CLPS: variants seen among roughly 807,000 people sequenced by gnomAD.
CLPS encodes colipase, also known as colipase, pancreatic.
In CLPS, 8 loss-of-function variants were observed where a neutral mutation model predicts 9.3. The observed-to-expected ratio is 0.86, with a 90% CI of 0.51 to 1.56. The LOEUF is 1.56. CLPS is among the 40% of genes most tolerant of loss of function. The pLI, the probability that CLPS is intolerant of heterozygous loss-of-function variation, is 0.00. For missense variants in CLPS, 144 were observed against 145.7 expected (o/e 0.99, Z 0.06); for synonymous variants, 61 against 56.2 (o/e 1.09, Z -0.39).
chr6:35,795,277 T>C lies in CLPS; in HGVS notation c.208A>G (p.Thr70Ala), dbSNP rs1178438731. 6.2e-7 allele frequency: 1 copy of C among 1,613,652 alleles called. No homozygotes were observed. The highest frequency in any genetic ancestry group is 1.3e-5 in the African/African-American group (1 of 74,936). ...CACTTGTAGTAAATCCCATAGAGCG[T>C]CTGCAGAGACACAGCCAATGGAGTC... ...ASENSECSVK[T>A]LYGIYYKCPC... Residue 70 changes from threonine to alanine, a missense_variant and splice_region_variant, in exon 3 of 3, where the codon ACG becomes GCG. Thr to Ala is a moderately conservative substitution (Grantham distance 58, BLOSUM62 0). Coordinates refer to ENST00000259938, the MANE Select transcript of CLPS (RefSeq NM_001832.4).
rs542339898 is a variant in CLPS, at chr6:35,795,039, G to A, written c.*107C>T. 19 of 1,462,610 alleles carry A rather than the reference G, an allele frequency of 1.3e-5. No individual in the cohort carries two copies. Among genetic ancestry groups the A allele is most frequent in the Admixed American group, 8.3e-5 (4 of 48,034 alleles). The allele number at this position is 1,462,610 out of a possible 1,614,324, so 90.6% of individuals were successfully genotyped here. The stretch of plus-strand genomic sequence containing the variant: ...GCGCAATCAGAAAACAGATATGCTG[G>A]TCAAGGAGGTGGCCAGCCCGGGAGA... On this transcript the variant is annotated 3_prime_UTR_variant, in exon 3 of 3. Transcript: ENST00000259938.
At chr6:35,795,562 G>A (rs1021412485) in intron 2 of CLPS, among the ~76,000 whole-genome samples, 169 bp downstream of exon 2, 3 of 152,046 alleles carry the variant, frequency 2.0e-5, no homozygotes, top group Non-Finnish European at 4.4e-5. Flanking sequence ...TCACTCGGGA[G>A]GGTCAAGAGA....
intron 1 of CLPS, chr6:35,796,891 G>T (rs1768381361): frequency 2.2e-6 from 1 of 461,668 alleles, no homozygotes; most frequent in Admixed American, 2.9e-5. Flanking sequence ...CCGAGATTGT[G>T]CCACTACACT....
rs9462120 is a variant in CLPS, at chr6:35,796,688, C to T, written c.84+517G>A. 5.9e-3 allele frequency: 2,252 copies of T among 380,184 alleles called. 51 individuals are homozygous for T. Among genetic ancestry groups the T allele is most frequent in the African/African-American group, 0.045 (2,086 of 46,640 alleles). 23.6% of individuals were successfully genotyped at this position (380,184 alleles called of 1,614,324 possible). On this transcript the variant is annotated intron_variant, in intron 1 of 2. Transcript: ENST00000259938. ...AGGTGGCTCATGCCTGTAATCCCAGCACTTTGGGAGGCCGAGGTGGGCGGA... is the reference window on the plus strand; with the variant it reads ...AGGTGGCTCATGCCTGTAATCCCAGTACTTTGGGAGGCCGAGGTGGGCGGA...
intron 2 of CLPS, 22 bp downstream of exon 2, chr6:35,795,709 C>A (rs371487417): frequency 6.2e-7 from 1 of 1,609,654 alleles, no homozygotes; most frequent in African/African-American, 1.3e-5. Context: ...CCCCCACCCA[C>A]GCCAAGTCCT....
rs750392162 is a variant in CLPS at position 35,797,301 on chromosome 6, A to G, written c.-13T>C. On this transcript the variant is annotated 5_prime_UTR_variant, in exon 1 of 3. Coordinates refer to ENST00000259938, the MANE Select transcript of CLPS (RefSeq NM_001832.4). ...GGATCTTCTCCATGGTGAGTGGGAC[A>G]GCTGGTGTGGGTGGCGGGAGACAGA... is the stretch of plus-strand genomic sequence containing the variant. 1.2e-5 allele frequency: 19 copies of G among 1,613,100 alleles called. No homozygotes were observed. Among genetic ancestry groups the G allele is most frequent in the East Asian group, 2.2e-5 (1 of 44,868 alleles).
intron 1 of CLPS, among the ~76,000 whole-genome samples, chr6:35,796,522 G>A (rs1334125719): frequency 6.6e-6 from 1 of 152,264 alleles, no homozygotes; most frequent in Non-Finnish European, 1.5e-5. Context: ...CTCCCTCAGT[G>A]GTTATTATGA....
chr6:35,796,161 G>A (rs1768363792), intron 1 of CLPS, among the ~76,000 whole-genome samples: 1 of 152,258 alleles, frequency 6.6e-6, no homozygotes, highest in African/African-American at 2.4e-5. Context: ...CATTTGGAAT[G>A]TGCACACAAG....
At chr6:35,797,072 TA>T in intron 1 of CLPS, 132 bp downstream of exon 1, 3 of 808,942 alleles carry the variant, frequency 3.7e-6, no homozygotes, top group South Asian at 3.3e-5. Flanking sequence ...GACATGGAAG[TA>T]AACAGAGGGA....
intron 2 of CLPS, 41 bp downstream of exon 2, chr6:35,795,689 TC>T: frequency 2.5e-6 from 4 of 1,605,100 alleles, no homozygotes; most frequent in Non-Finnish European, 3.4e-6. Context: ...AGGGCCCTAC[TC>T]CCCATTCTCC....
At chr6:35,795,423 C>T in intron 2 of CLPS, 146 bp from the exon 3 acceptor site, 1 of 1,242,446 alleles carries the variant, frequency 8.0e-7, no homozygotes, top group Non-Finnish European at 1.1e-6. Flanking sequence ...TGCCGTGGGC[C>T]CTGGAGACCC....
At chr6:35,795,991 G>A in intron 1 of CLPS, 138 bp from the exon 2 acceptor site, 1 of 1,400,122 alleles carries the variant, frequency 7.1e-7, no homozygotes, top group Non-Finnish European at 9.7e-7. Flanking sequence ...CCCTGGGTCT[G>A]GTGGCCTCTG....
chr6:35,797,224 C>CG lies in CLPS; in HGVS notation c.64dup (p.Arg22ProfsTer11), dbSNP rs762528702. Reference sequence around the variant, plus strand: ...TCTTACCAGGTTGATAATGATCCCCCGGGGGCCAGGAGCTGCATAGGCCAC... The same window carrying CG: ...TCTTACCAGGTTGATAATGATCCCCCGGGGGGCCAGGAGCTGCATAGGCCAC... On this transcript the variant is annotated frameshift_variant, in exon 1 of 3. Coordinates refer to ENST00000259938, the MANE Select transcript of CLPS (RefSeq NM_001832.4). LOFTEE classifies it high-confidence loss of function. The CG allele has an allele frequency of 2.5e-6, 4 of 1,614,002 alleles. No individual in the cohort carries two copies. The highest frequency in any genetic ancestry group is 1.1e-5 in the South Asian group (1 of 91,076).
Position 35,795,781 on chromosome 6 carries a change from G to T in CLPS, c.157C>A (p.Leu53Met). Residue 53 changes from leucine (L) to methionine (M), a missense_variant, in exon 2 of 3, where the codon CTG becomes ATG. Coordinates refer to ENST00000259938, the MANE Select transcript of CLPS (RefSeq NM_001832.4). ...NCCQHSSALG[L>M]ARCTSMASEN... ...CTGGCCATGGATGTGCAGCGGGCCA[G>T]GCCCAGCGCACTTGAATGCTGGCAG... 6.2e-7 allele frequency: 1 copy of T among 1,613,244 alleles called. No homozygotes were observed. Among genetic ancestry groups the T allele is most frequent in the Non-Finnish European group, 8.5e-7 (1 of 1,180,034 alleles).
intron 1 of CLPS, chr6:35,796,919 C>G (rs1315150696): frequency 2.2e-6 from 1 of 458,324 alleles, no homozygotes; most frequent in East Asian, 4.9e-5. Flanking sequence ...GGTGACAGAG[C>G]AAGACTCCGT....
At chr6:35,796,844 G>A (rs529477229) in intron 1 of CLPS, 242 of 461,832 alleles carry the variant, frequency 5.2e-4, no homozygotes, top group South Asian at 3.8e-3. Context: ...TGAGGCAGGA[G>A]AATCATTTGA....
chr6:35,797,068 G>T, intron 1 of CLPS, 137 bp downstream of exon 1: 1 of 781,048 alleles, frequency 1.3e-6, no homozygotes. Context: ...ACAGGACATG[G>T]AAGTAAACAG....
rs1181803210 is a variant in CLPS at position 35,795,223 on chromosome 6, C to T, written c.262G>A (p.Gly88Arg). The T allele has an allele frequency of 6.2e-7, 1 of 1,614,260 alleles. No homozygotes were observed. Among genetic ancestry groups the T allele is most frequent in the Non-Finnish European group, 8.5e-7 (1 of 1,180,038 alleles). Residue 88 changes from glycine to arginine, a missense_variant, in exon 3 of 3, where the codon GGA (glycine) becomes AGA (arginine). Physicochemically the swap from Gly to Arg is moderately radical, Grantham distance 125. Transcript: ENST00000259938. Reference sequence around the variant, plus strand: ...ATGGAGCCCACGATGGTCTTGTCTCCCTCACAGGTCAGGCCACGCTCACAG... The same window carrying T: ...ATGGAGCCCACGATGGTCTTGTCTCTCTCACAGGTCAGGCCACGCTCACAG... The part of the protein sequence containing the change: ...CPCERGLTCE[G>R]DKTIVGSITN...
chr6:35,795,125 T>A lies in CLPS; in HGVS notation c.*21A>T. The stretch of plus-strand genomic sequence containing the variant: ...GTGGCCTACAGCATTCTGGGCTAGG[T>A]GTGGGAGTGGGTGGGCAGTCTCACT... On this transcript the variant is annotated 3_prime_UTR_variant, in exon 3 of 3. Transcript: ENST00000259938. 6.2e-7 allele frequency: 1 copy of A among 1,611,392 alleles called. No homozygotes were observed. The highest frequency in any genetic ancestry group is 1.1e-5 in the South Asian group (1 of 90,506).
Sources: gnomAD v4.1 joint callset for allele counts (sites outside exome capture counted in the v4.1 genomes callset) on GRCh38, gnomAD v4.1.1 for gene constraint, MANE v1.5 for transcripts, NCBI Gene and HGNC (gene_info 2026-07-23, HGNC 2026-07-21) for gene names.